DLG2: variants seen among roughly 807,000 people sequenced by gnomAD.
DLG2 encodes disks large homolog 2.
In DLG2, 45 loss-of-function variants were observed where a neutral mutation model predicts 132.5. That is an observed-to-expected ratio of 0.34 (90% CI 0.27 to 0.44). The LOEUF is 0.44. DLG2 is among the 20% of genes least tolerant of loss of function. The pLI is 1.00. For missense variants in DLG2, 1,045 were observed against 1,196.9 expected, an observed-to-expected ratio of 0.87 and a Z score of 1.87; for synonymous variants, 424 against 419.6, an observed-to-expected ratio of 1.01 and a Z score of -0.13.
intron 7 of DLG2, among the ~76,000 whole-genome samples, chr11:84,515,262 T>G (rs972571108): frequency 1.4e-5 from 2 of 138,534 alleles, no homozygotes; most frequent in African/African-American, 5.4e-5. Flanking sequence ...GTAGATTGGC[T>G]GAATGAACTT....
chr11:85,426,514 CAG>C (rs1158326720), intron 3 of DLG2, among the ~76,000 whole-genome samples: 1 of 152,196 alleles, frequency 6.6e-6, no homozygotes, highest in African/African-American at 2.4e-5. Flanking sequence ...CTCAGGCAAA[CAG>C]GGTCTGGAAT....
At chr11:85,261,177 C>T (rs1178917635) in intron 4 of DLG2, among the ~76,000 whole-genome samples, 1 of 152,024 alleles carries the variant, frequency 6.6e-6, no homozygotes, top group Admixed American at 6.6e-5. Flanking sequence ...ATGGCAGGGG[C>T]TGGAGGGAAG....
At chr11:84,469,575 A>C (rs1185932135) in intron 7 of DLG2, among the ~76,000 whole-genome samples, 1 of 151,758 alleles carries the variant, frequency 6.6e-6, no homozygotes, top group Non-Finnish European at 1.5e-5. Context: ...ATATTGTAGT[A>C]AATCAACATT....
intron 7 of DLG2, among the ~76,000 whole-genome samples, chr11:84,481,300 G>C (rs1277589821): frequency 6.6e-6 from 1 of 151,416 alleles, no homozygotes; most frequent in African/African-American, 2.4e-5. Context: ...CCTATTTTTT[G>C]CTTTATCCCT....
At chr11:85,085,299 CTAAAAT>C (rs1043749938) in intron 6 of DLG2, among the ~76,000 whole-genome samples, 3 of 152,104 alleles carry the variant, frequency 2.0e-5, no homozygotes, top group African/African-American at 7.2e-5. Context: ...TTATGGGCTT[CTAAAAT>C]TAGTCTTAGA....
intron 6 of DLG2, among the ~76,000 whole-genome samples, chr11:85,096,260 T>C (rs1420174541): frequency 6.6e-6 from 1 of 152,110 alleles, no homozygotes; most frequent in Non-Finnish European, 1.5e-5. Flanking sequence ...TGTGGAAGCT[T>C]TGTTCTTTCG....
chr11:84,744,892 A>C (rs1001756702), intron 6 of DLG2, among the ~76,000 whole-genome samples: 1 of 148,374 alleles, frequency 6.7e-6, no homozygotes, highest in Non-Finnish European at 1.5e-5. Context: ...ATTAAAAGTA[A>C]AGGTCTAAAA....
chr11:84,653,413 G>T (rs1244361315), intron 6 of DLG2, among the ~76,000 whole-genome samples: 1 of 152,120 alleles, frequency 6.6e-6, no homozygotes, highest in Admixed American at 6.5e-5. Context: ...GCAATCAACA[G>T]AGCAAGACCA....
chr11:84,778,348 T>C (rs1404760993), intron 6 of DLG2, among the ~76,000 whole-genome samples: 1 of 152,200 alleles, frequency 6.6e-6, no homozygotes, highest in African/African-American at 2.4e-5. Context: ...TCATGCTGGT[T>C]TGATTATTAT....
intron 6 of DLG2, among the ~76,000 whole-genome samples, chr11:84,630,437 T>G (rs1214502844): frequency 1.3e-5 from 2 of 152,224 alleles, no homozygotes; most frequent in East Asian, 1.9e-4. Context: ...TGCTCTTAAC[T>G]GCAAGTCCTT....
chr11:85,535,306 C>T (rs942160902), intron 3 of DLG2, among the ~76,000 whole-genome samples: 1 of 151,908 alleles, frequency 6.6e-6, no homozygotes, highest in African/African-American at 2.4e-5. Flanking sequence ...TACAGTATTG[C>T]TAGTACCATA....
intron 18 of DLG2, chr11:83,692,213 C>T (rs1315179017): frequency 3.9e-5 from 6 of 152,180 alleles, no homozygotes; most frequent in Non-Finnish European, 1.5e-5. Flanking sequence ...AACACCCCTT[C>T]CCTGCAACAA....
intron 3 of DLG2, among the ~76,000 whole-genome samples, chr11:85,573,058 C>A (rs1288814186): frequency 2.6e-5 from 4 of 152,178 alleles, no homozygotes; most frequent in Non-Finnish European, 5.9e-5. Flanking sequence ...TACACTCTCT[C>A]TTGATCCTGC....
At chr11:84,945,918 C>T (rs1163089806) in intron 6 of DLG2, among the ~76,000 whole-genome samples, 1 of 152,076 alleles carries the variant, frequency 6.6e-6, no homozygotes, top group African/African-American at 2.4e-5. Context: ...ACCTTAGCCA[C>T]AAGACAAAAC....
intron 4 of DLG2, among the ~76,000 whole-genome samples, chr11:85,241,525 G>A (rs1165074208): frequency 6.6e-6 from 1 of 151,942 alleles, no homozygotes; most frequent in Admixed American, 6.6e-5. Flanking sequence ...AATGGGGTAT[G>A]TGTGTAAGTA....
chr11:84,503,115 G>T (rs2099226630), intron 7 of DLG2, among the ~76,000 whole-genome samples: 1 of 152,210 alleles, frequency 6.6e-6, no homozygotes, highest in African/African-American at 2.4e-5. Flanking sequence ...TAGTGGTATA[G>T]AACAGAGGTG....
At chr11:84,597,349 C>A (rs906016868) in intron 6 of DLG2, among the ~76,000 whole-genome samples, 6 of 152,204 alleles carry the variant, frequency 3.9e-5, no homozygotes, top group Admixed American at 2.0e-4. Flanking sequence ...ACTTGTATTT[C>A]TCCTCCTTAT....
intron 3 of DLG2, among the ~76,000 whole-genome samples, chr11:85,489,810 A>T (rs1358812784): frequency 6.6e-6 from 1 of 152,230 alleles, no homozygotes; most frequent in Non-Finnish European, 1.5e-5. Flanking sequence ...CATGCTCCTA[A>T]ATTATCACTG....
Position 85,332,309 on chromosome 11 carries a change from G to A in DLG2, c.41-46944C>T, listed in dbSNP as rs542106050. On this transcript the variant is annotated intron_variant, in intron 3 of 27. Coordinates refer to ENST00000376104, the MANE Select transcript of DLG2 (RefSeq NM_001142699.3). ...ATGTTCTTTGCCCATTTTTTATTAG[G>A]TTGTCTGTTTCTTGCTTGTTGATTT... 1.1e-4 allele frequency among the ~76,000 whole-genome samples: 17 copies of A among 152,104 alleles called. No homozygotes were observed. The South Asian group carries it at 3.1e-3, about 28-fold the overall frequency.
Sources: allele counts gnomAD v4.1 joint callset (sites outside exome capture counted in the v4.1 genomes callset), GRCh38; gene constraint gnomAD v4.1.1; transcripts MANE v1.5; gene names NCBI Gene and HGNC (gene_info 2026-07-23, HGNC 2026-07-21).